The following PPP1R9A variants were observed in gnomAD, a reference collection of about 807,000 sequenced individuals.
The protein encoded by PPP1R9A is protein phosphatase 1 regulatory subunit 9A, also known as neurabin-1.
PPP1R9A carries 59 observed loss-of-function variants against 141.9 expected under a neutral mutation model. The observed-to-expected ratio is 0.42, with a 90% confidence interval of 0.34 to 0.52. The LOEUF (loss-of-function observed/expected upper bound fraction) is 0.52, where lower values mean the gene tolerates loss of function less well. PPP1R9A is among the 20% of genes least tolerant of loss of function. PPP1R9A has a pLI of 0.10. For synonymous variants in PPP1R9A, 500 were observed against 569.7 expected (o/e 0.88, Z 1.74); for missense variants, 1,444 against 1,611.9 (o/e 0.90, Z 1.78).
At chr7:95,142,375 GT>G (rs573649107) in intron 4 of PPP1R9A, among the ~76,000 whole-genome samples, 252 of 151,716 alleles carry the variant, frequency 1.7e-3, no homozygotes, top group Non-Finnish European at 2.9e-3. Flanking sequence ...AATTCATCTA[GT>G]TTTTTTTGTC....
chr7:94,972,991 A>G (rs991734459), intron 2 of PPP1R9A, among the ~76,000 whole-genome samples: 2 of 152,204 alleles, frequency 1.3e-5, no homozygotes, highest in East Asian at 3.9e-4. Context: ...TCTTAATGGT[A>G]AGGAAATAAT....
At chr7:94,982,034 C>A (rs1047945588) in intron 2 of PPP1R9A, among the ~76,000 whole-genome samples, 2 of 145,536 alleles carry the variant, frequency 1.4e-5, no homozygotes, top group Non-Finnish European at 3.0e-5. Context: ...CCCAAGAGTT[C>A]TCATCGTTCA....
At chr7:95,230,059 CAA>C (rs1795703756) in intron 8 of PPP1R9A, among the ~76,000 whole-genome samples, 2 of 152,080 alleles carry the variant, frequency 1.3e-5, no homozygotes, top group Non-Finnish European at 2.9e-5. Flanking sequence ...TCCAGAAAAG[CAA>C]AAATAATCAC....
chr7:94,941,436 T>C (rs903315635), intron 2 of PPP1R9A, among the ~76,000 whole-genome samples: 1 of 152,164 alleles, frequency 6.6e-6, no homozygotes, highest in Admixed American at 6.5e-5. Context: ...GTAAGTGGTA[T>C]CTGTACTTCT....
At chr7:95,239,487 A>G (rs1243670231) in intron 8 of PPP1R9A, among the ~76,000 whole-genome samples, 1 of 152,132 alleles carries the variant, frequency 6.6e-6, no homozygotes, top group Non-Finnish European at 1.5e-5. Flanking sequence ...TTAGCCTGGG[A>G]GGTAGAGGCT....
At chr7:95,283,839 T>A (rs1489396541) in intron 16 of PPP1R9A, among the ~76,000 whole-genome samples, 179 bp from the exon 17 acceptor site, 1 of 152,242 alleles carries the variant, frequency 6.6e-6, no homozygotes, top group Non-Finnish European at 1.5e-5. Flanking sequence ...AGAATCCATT[T>A]AGAGGCAAAA....
chr7:95,080,190 C>T (rs1815575997), intron 2 of PPP1R9A, among the ~76,000 whole-genome samples: 1 of 152,146 alleles, frequency 6.6e-6, no homozygotes, highest in Non-Finnish European at 1.5e-5. Flanking sequence ...TAGAAAACCC[C>T]CATTGTCTTA....
intron 2 of PPP1R9A, among the ~76,000 whole-genome samples, chr7:95,061,005 A>G (rs1263055265): frequency 6.6e-6 from 1 of 152,236 alleles, no homozygotes; most frequent in Non-Finnish European, 1.5e-5. Flanking sequence ...GAGCCAGTGT[A>G]TTGTGACTGT....
chr7:95,265,670 A>G (rs1467347830), intron 12 of PPP1R9A, among the ~76,000 whole-genome samples: 2 of 152,200 alleles, frequency 1.3e-5, no homozygotes, highest in African/African-American at 4.8e-5. Flanking sequence ...TATTAAGGCG[A>G]AAGTTTTCAA....
At chr7:95,212,180 T>C (rs2152916776) in intron 7 of PPP1R9A, among the ~76,000 whole-genome samples, 1 of 152,252 alleles carries the variant, frequency 6.6e-6, no homozygotes, top group East Asian at 1.9e-4. Flanking sequence ...GGTGATTCTT[T>C]TAAAAATATT....
intron 2 of PPP1R9A, among the ~76,000 whole-genome samples, chr7:94,982,330 G>T (rs1277627870): frequency 1.3e-5 from 2 of 152,120 alleles, no homozygotes; most frequent in African/African-American, 4.8e-5. Flanking sequence ...AATTCTTTGG[G>T]TATATACCCA....
chr7:95,186,305 G>T (rs1185976071), intron 5 of PPP1R9A, among the ~76,000 whole-genome samples: 1 of 152,048 alleles, frequency 6.6e-6, no homozygotes, highest in East Asian at 1.9e-4. Context: ...TTCTTGATTT[G>T]ATTCTCAGCT....
chr7:95,213,539 G>A (rs1263818144), intron 7 of PPP1R9A, among the ~76,000 whole-genome samples: 1 of 151,948 alleles, frequency 6.6e-6, no homozygotes, highest in African/African-American at 2.4e-5. Flanking sequence ...GGCCAGGCTG[G>A]TCTCAAACTC....
chr7:95,202,979 A>G (rs1392809555), intron 6 of PPP1R9A, among the ~76,000 whole-genome samples: 3 of 152,098 alleles, frequency 2.0e-5, no homozygotes, highest in Non-Finnish European at 4.4e-5. Flanking sequence ...GTTACATTGT[A>G]AAGTCTTAGC....
At chr7:95,014,981 A>G (rs1804896969) in intron 2 of PPP1R9A, among the ~76,000 whole-genome samples, 1 of 151,996 alleles carries the variant, frequency 6.6e-6, no homozygotes, top group South Asian at 2.1e-4. Context: ...AAAAATCTCC[A>G]TGATTCCTTG....
chr7:95,286,709 G>A (rs1312179765), intron 18 of PPP1R9A, among the ~76,000 whole-genome samples: 1 of 152,032 alleles, frequency 6.6e-6, no homozygotes, highest in African/African-American at 2.4e-5. Context: ...TTAGGGTGAG[G>A]TCTCTGATTG....
intron 12 of PPP1R9A, among the ~76,000 whole-genome samples, chr7:95,256,980 T>G: frequency 6.6e-6 from 1 of 152,182 alleles, no homozygotes; most frequent in East Asian, 1.9e-4. Context: ...AAAATGCTTT[T>G]TATGCAAAAT....
intron 2 of PPP1R9A, among the ~76,000 whole-genome samples, chr7:95,032,786 C>T (rs991954934): frequency 6.6e-6 from 1 of 152,046 alleles, no homozygotes. Flanking sequence ...GTAAAACTGT[C>T]TTATATTGTG....
At chr7:94,915,327 A>C (rs1467410478) in intron 2 of PPP1R9A, among the ~76,000 whole-genome samples, 2 of 152,184 alleles carry the variant, frequency 1.3e-5, no homozygotes, top group Non-Finnish European at 2.9e-5. Flanking sequence ...GATGGTTTTC[A>C]GGGAATAGTT....
Sources: allele counts gnomAD v4.1 joint callset (sites outside exome capture counted in the v4.1 genomes callset), GRCh38; gene constraint gnomAD v4.1.1; transcripts MANE v1.5; gene names NCBI Gene and HGNC (gene_info 2026-07-23, HGNC 2026-07-21).